Variants in DLC1 observed in about 807,000 individuals in gnomAD.
The protein encoded by DLC1 is rho GTPase-activating protein 7.
In DLC1, 54 loss-of-function variants were observed where a neutral mutation model predicts 140.3. The observed-to-expected ratio is 0.38, with a 90% CI of 0.31 to 0.48. DLC1 has a LOEUF of 0.48. Ranked by LOEUF, DLC1 falls within the 20% of genes least tolerant of loss-of-function variation. The pLI, the probability that DLC1 is intolerant of heterozygous loss-of-function variation, is 0.96. For missense variants in DLC1, 2,536 were observed against 1,907.0 expected, an observed-to-expected ratio of 1.33 and a Z score of -6.14; for synonymous variants, 986 against 728.1, an observed-to-expected ratio of 1.35 and a Z score of -5.70.
rs531489903 is a variant in DLC1, at chr8:13,205,165, T to G, written c.1349-89508A>C. 9.2e-5 allele frequency among the ~76,000 whole-genome samples: 14 copies of G among 152,296 alleles called. No individual in the cohort carries two copies. The South Asian group carries it at 2.1e-3, about 23-fold the overall frequency. ...GATAGGAAAACAGAGTTCATTTCAG[T>G]CTGCAGAACAGACTAATAAATATCA... On this transcript the variant is annotated intron_variant, in intron 5 of 17. Coordinates refer to ENST00000276297, the MANE Select transcript of DLC1 (RefSeq NM_182643.3).
At chr8:13,469,928 C>G (rs1179653113) in intron 2 of DLC1, among the ~76,000 whole-genome samples, 1 of 152,122 alleles carries the variant, frequency 6.6e-6, no homozygotes, top group African/African-American at 2.4e-5. Context: ...GGTATTACAG[C>G]TCAATATTGT....
chr8:13,098,633 T>C (rs2128935667), intron 9 of DLC1, 58 bp from the exon 10 acceptor site: 1 of 1,523,736 alleles, frequency 6.6e-7, no homozygotes, highest in Non-Finnish European at 8.8e-7. Context: ...ATTTTATTTA[T>C]TTTATTTTTT....
At position 13,436,530 on chromosome 8, in the gene DLC1, T is replaced by A. The variant is rs74337081; in HGVS notation, c.1024-34911A>T. 1.6e-3 allele frequency among the ~76,000 whole-genome samples: 248 copies of A among 152,298 alleles called. 6 individuals are homozygous for A. The East Asian group carries it at 0.044, about 27-fold the overall frequency. ...CAGGTTCTTAGATTTTTTTTTAAAA[T>A]GTCATTGTCCGGACAATTGGGCTTT... On this transcript the variant is annotated intron_variant, in intron 2 of 17. Transcript: ENST00000276297.
intron 5 of DLC1, among the ~76,000 whole-genome samples, chr8:13,120,356 A>AAAAAAAAAAAAAATATATATATATAT: frequency 1.1e-4 from 7 of 61,118 alleles, no homozygotes; most frequent in Admixed American, 2.7e-4. Context: ...AAAAAAAAAA[A>AAAAAAAAAAAAAATATATATATATAT]ATATATATAT....
At chr8:13,492,978 T>C (rs1428472560) in intron 2 of DLC1, among the ~76,000 whole-genome samples, 2 of 152,316 alleles carry the variant, frequency 1.3e-5, no homozygotes, top group Admixed American at 1.3e-4. Flanking sequence ...TACAAAGCTA[T>C]TGGCTTTACC....
At chr8:13,146,783 C>G (rs771978244) in intron 5 of DLC1, among the ~76,000 whole-genome samples, 1 of 152,070 alleles carries the variant, frequency 6.6e-6, no homozygotes, top group African/African-American at 2.4e-5. Flanking sequence ...CACAGAAAGT[C>G]ACAAGGAAAA....
intron 5 of DLC1, among the ~76,000 whole-genome samples, chr8:13,209,184 T>C (rs1246475469): frequency 2.0e-5 from 3 of 152,182 alleles, no homozygotes; most frequent in Admixed American, 2.0e-4. Context: ...CCTGTAGCTA[T>C]TTGATATATA....
intron 5 of DLC1, among the ~76,000 whole-genome samples, chr8:13,281,174 T>C (rs1384767861): frequency 6.6e-6 from 1 of 152,226 alleles, no homozygotes; most frequent in Non-Finnish European, 1.5e-5. Flanking sequence ...GTTTAGTTAA[T>C]ATAATCATCT....
At chr8:13,097,610 T>C (rs1237261721) in intron 10 of DLC1, among the ~76,000 whole-genome samples, 1 of 152,134 alleles carries the variant, frequency 6.6e-6, no homozygotes, top group East Asian at 1.9e-4. Flanking sequence ...TAAGACCAGG[T>C]ACTGTAAATC....
chr8:13,250,463 G>T (rs1829953764), intron 5 of DLC1, among the ~76,000 whole-genome samples: 1 of 152,170 alleles, frequency 6.6e-6, no homozygotes, highest in Admixed American at 6.5e-5. Flanking sequence ...AAAGGCATAG[G>T]ATTAGATAGG....
intron 5 of DLC1, among the ~76,000 whole-genome samples, chr8:13,185,122 C>CTTTTTTTTTTTTTTTTTTTTTTTTTT (rs1193667992): frequency 1.2e-5 from 1 of 84,568 alleles, no homozygotes; most frequent in African/African-American, 5.2e-5. Flanking sequence ...GCAACCCCTG[C>CTTTTTTTTTTTTTTTTTTTTTTTTTT]TTTTTTTTTT....
At chr8:13,208,446 A>T (rs537980350) in intron 5 of DLC1, among the ~76,000 whole-genome samples, 105 of 152,304 alleles carry the variant, frequency 6.9e-4, no homozygotes, top group Non-Finnish European at 1.2e-3. Context: ...ATTATTTATC[A>T]CTTTGTTTAC....
intron 2 of DLC1, among the ~76,000 whole-genome samples, chr8:13,485,284 A>G (rs967411113): frequency 9.2e-5 from 14 of 152,314 alleles, no homozygotes; most frequent in African/African-American, 3.4e-4. Flanking sequence ...GTTAGCCACA[A>G]TACTTGGTTT....
At chr8:13,126,390 C>CACACACACACAA (rs1821571266) in intron 5 of DLC1, among the ~76,000 whole-genome samples, 1 of 152,066 alleles carries the variant, frequency 6.6e-6, no homozygotes, top group Non-Finnish European at 1.5e-5. Context: ...CACACACACA[C>CACACACACACAA]ACACACACAC....
At chr8:13,485,258 T>C (rs538049383) in intron 2 of DLC1, among the ~76,000 whole-genome samples, 3 of 152,328 alleles carry the variant, frequency 2.0e-5, no homozygotes, top group East Asian at 3.9e-4. Flanking sequence ...TAGAAAACCA[T>C]AGTGTAGCCA....
intron 1 of DLC1, among the ~76,000 whole-genome samples, chr8:13,581,309 C>A (rs7004858): frequency 2.6e-5 from 4 of 152,164 alleles, no homozygotes; most frequent in Admixed American, 1.3e-4. Flanking sequence ...GAGGAAAAAA[C>A]GGAACCATTT....
At position 13,297,292 on chromosome 8, in the gene DLC1, A is replaced by AAAAAAAAAAAAAAAAAAAAAAC. The variant is rs1563233241; in HGVS notation, c.1348+7976_1348+7977insGTTTTTTTTTTTTTTTTTTTTT. Among the ~76,000 whole-genome samples, 14 of 144,452 alleles carry AAAAAAAAAAAAAAAAAAAAAAC rather than the reference A, an allele frequency of 9.7e-5. 1 individual carries two copies. Among genetic ancestry groups the AAAAAAAAAAAAAAAAAAAAAAC allele is most frequent in the African/African-American group, 3.6e-4 (14 of 39,198 alleles). The allele number at this position is 144,452 out of a possible 152,430, so 94.8% of individuals were successfully genotyped here. On this transcript the variant is annotated intron_variant, in intron 5 of 17. Transcript: ENST00000276297. ...GAGGCCTTCATACATTAAAAAAAAAAAAAACTGAAGCAAGTATTTATAAGC... is the reference window on the plus strand; with the variant it reads ...GAGGCCTTCATACATTAAAAAAAAAAAAAAAAAAAAAAAAAAAAAAACAAAACTGAAGCAAGTATTTATAAGC...
intron 5 of DLC1, among the ~76,000 whole-genome samples, chr8:13,183,836 G>A (rs952839435): frequency 9.8e-5 from 15 of 152,290 alleles, no homozygotes; most frequent in African/African-American, 3.1e-4. Flanking sequence ...CTCATAAAAT[G>A]AGTTAGGGAG....
intron 4 of DLC1, among the ~76,000 whole-genome samples, chr8:13,306,585 A>T (rs2077928): frequency 0.073 from 9,686 of 133,258 alleles, 557 homozygotes; most frequent in African/African-American, 0.19. Context: ...TGTGTGTGTG[A>T]GAGAGAGAGA....
Sources: gnomAD v4.1 joint callset for allele counts (sites outside exome capture counted in the v4.1 genomes callset) on GRCh38, gnomAD v4.1.1 for gene constraint, MANE v1.5 for transcripts, NCBI Gene and HGNC (gene_info 2026-07-23, HGNC 2026-07-21) for gene names.